DENND10: variants seen among roughly 807,000 people sequenced by gnomAD.
DENND10 encodes the protein DENN domain-containing protein 10.
Under a neutral mutation model 43.6 loss-of-function variants are expected in DENND10, and 24 were observed. That is an observed-to-expected ratio of 0.55 (90% CI 0.40 to 0.77). The LOEUF (loss-of-function observed/expected upper bound fraction) is 0.77. Ranked by LOEUF, DENND10 falls within the 30% of genes least tolerant of loss-of-function variation. DENND10 has a pLI of 0.00. For synonymous variants in DENND10, 125 were observed against 157.6 expected (o/e 0.79, Z 1.55); for missense variants, 303 against 429.9 (o/e 0.70, Z 2.61).
rs571366268 is a variant in DENND10 at position 119,110,509 on chromosome 10, G to A, written c.253-1340G>A. On this transcript the variant is annotated intron_variant, in intron 2 of 8. Coordinates refer to ENST00000361432, the MANE Select transcript of DENND10 (RefSeq NM_207009.4). ...GTCTCACTCTGTCGCCCAGCCTGGAGTGCAGGGACAAAATCTCGGCTCACT... is the reference window on the plus strand; with the variant it reads ...GTCTCACTCTGTCGCCCAGCCTGGAATGCAGGGACAAAATCTCGGCTCACT... Among the ~76,000 whole-genome samples the A allele has an allele frequency of 1.4e-4, 22 of 152,176 alleles. No homozygotes were observed. In the South Asian group the frequency reaches 2.7e-3, roughly 19 times the overall value.
chr10:119,111,785 A>G (rs1475435265), intron 2 of DENND10, 64 bp from the exon 3 acceptor site: 2 of 1,234,128 alleles, frequency 1.6e-6, no homozygotes, highest in Non-Finnish European at 1.2e-6. Flanking sequence ...GTTAGAATAT[A>G]GTAATAAAAA....
Position 119,133,036 on chromosome 10 carries a change from C to G in DENND10, c.897+427C>G, listed in dbSNP as rs80307377. The G allele has an allele frequency of 5.3e-3, 945 of 178,698 alleles. 11 individuals are homozygous for G. The highest frequency in any genetic ancestry group is 0.021 in the African/African-American group (895 of 42,244). The allele number at this position is 178,698 out of a possible 1,614,324, so 11.1% of individuals were successfully genotyped here. A position where few individuals can be genotyped will look rare whatever the true frequency, so the allele number is the denominator to read the frequency against. On this transcript the variant is annotated intron_variant, in intron 8 of 8. Coordinates refer to ENST00000361432, the MANE Select transcript of DENND10 (RefSeq NM_207009.4). The stretch of plus-strand genomic sequence containing the variant: ...TCCAGGACAACAGAAATCATGCAGT[C>G]AGACTCCTGTCCCACTTAGTGACTG...
At chr10:119,123,662 T>C in intron 6 of DENND10, 93 bp downstream of exon 6, 1 of 954,056 alleles carries the variant, frequency 1.0e-6, no homozygotes, top group Non-Finnish European at 1.6e-6. Flanking sequence ...CAGGATGGAG[T>C]GCAATGGCAC....
rs1846141632 is a variant in DENND10 at position 119,132,764 on chromosome 10, G to A, written c.897+155G>A. 1.5e-6 allele frequency: 1 copy of A among 669,890 alleles called. No individual in the cohort carries two copies. The highest frequency in any genetic ancestry group is 1.8e-5 in the African/African-American group (1 of 56,044). 41.5% of individuals were successfully genotyped at this position (669,890 alleles called of 1,614,324 possible). On this transcript the variant is annotated intron_variant, in intron 8 of 8. Transcript: ENST00000361432. This position sits in a 1 kb window ranked among gnomAD's most constrained non-coding sequence, Gnocchi z 4.2. ...TTTACAGACGGCCACAGTGATGATG[G>A]ACAAGCAGGTGCAGGCTGGCCTGAT... is the stretch of plus-strand genomic sequence containing the variant.
chr10:119,128,000 G>A (rs1564797191), intron 6 of DENND10, among the ~76,000 whole-genome samples: 1 of 151,832 alleles, frequency 6.6e-6, no homozygotes, highest in Non-Finnish European at 1.5e-5. Flanking sequence ...GTATTAGTGT[G>A]TTCTTGCACT....
chr10:119,128,744 A>C (rs971909189), intron 6 of DENND10, among the ~76,000 whole-genome samples: 1 of 152,166 alleles, frequency 6.6e-6, no homozygotes, highest in African/African-American at 2.4e-5. Flanking sequence ...ATCATGGCAG[A>C]GGGTGAAGGG....
chr10:119,107,050 A>G (rs1360352340), intron 1 of DENND10, among the ~76,000 whole-genome samples: 1 of 150,688 alleles, frequency 6.6e-6, no homozygotes, highest in Non-Finnish European at 1.5e-5. Flanking sequence ...AACTCCATTT[A>G]AAGAATTATT....
chr10:119,120,413 T>C lies in DENND10; in HGVS notation c.554T>C (p.Val185Ala). 1 of 1,612,916 alleles carries C rather than the reference T, an allele frequency of 6.2e-7. No homozygotes were observed. The change falls in exon 5 of 9, where the codon GTG becomes GCG. Residue 185 changes from valine to alanine, a missense_variant. Physicochemically the swap from Val to Ala is moderately conservative, Grantham distance 64. Coordinates refer to ENST00000361432, the MANE Select transcript of DENND10 (RefSeq NM_207009.4). ...CTGATGCTAAAGAAAAGAATTGTGG[T>C]GTATCACCCCAAGATAGAAGCGGTC... Reference protein sequence around the residue: ...TALMLKKRIVVYHPKIEAVQE... With the variant: ...TALMLKKRIVAYHPKIEAVQE...
At chr10:119,115,405 T>TTTTTTTTTTTTTTTTTG (rs869213007) in intron 3 of DENND10, among the ~76,000 whole-genome samples, 2 of 91,680 alleles carry the variant, frequency 2.2e-5, no homozygotes, top group Admixed American at 1.2e-4. Flanking sequence ...TTTTTTTTTT[T>TTTTTTTTTTTTTTTTTG]GAGACGGAGT....
chr10:119,136,658 G>A lies in DENND10; in HGVS notation c.*11G>A. ...ATGCTGAAAATCTGACTGTGTGACA[G>A]AACGTATCACTGATGACTGATAGAA... On this transcript the variant is annotated 3_prime_UTR_variant, in exon 9 of 9. Transcript: ENST00000361432. The A allele has an allele frequency of 3.7e-6, 5 of 1,369,740 alleles. No individual in the cohort carries two copies. Among genetic ancestry groups the A allele is most frequent in the Non-Finnish European group, 5.0e-6 (5 of 1,005,902 alleles). The allele number at this position is 1,369,740 out of a possible 1,614,324, so 84.8% of individuals were successfully genotyped here. A position where few individuals can be genotyped will look rare whatever the true frequency, so the allele number is the denominator to read the frequency against.
intron 4 of DENND10, among the ~76,000 whole-genome samples, chr10:119,119,405 G>A (rs1564789348): frequency 1.3e-5 from 2 of 152,142 alleles, no homozygotes; most frequent in Admixed American, 1.3e-4. Flanking sequence ...GCCTCCCAAA[G>A]TGCTGGAATT....
intron 7 of DENND10, among the ~76,000 whole-genome samples, chr10:119,130,001 T>C (rs1303470956): frequency 6.6e-6 from 1 of 151,954 alleles, no homozygotes; most frequent in African/African-American, 2.4e-5. Flanking sequence ...TATTCCTTTT[T>C]CTTTTCTTCT....
chr10:119,110,312 C>T (rs1844918248), intron 2 of DENND10, among the ~76,000 whole-genome samples: 1 of 151,552 alleles, frequency 6.6e-6, no homozygotes, highest in African/African-American at 2.4e-5. Context: ...GCTGGGACTA[C>T]AGGCATGCAC....
intron 7 of DENND10, among the ~76,000 whole-genome samples, chr10:119,130,815 A>G (rs1041106709): frequency 1.3e-5 from 2 of 152,218 alleles, no homozygotes; most frequent in African/African-American, 4.8e-5. Context: ...TGTTCTTACA[A>G]TATGACAGCT....
intron 1 of DENND10, among the ~76,000 whole-genome samples, chr10:119,104,427 C>A (rs12250409): frequency 0.53 from 80,321 of 151,066 alleles, 22,330 homozygotes; most frequent in Middle Eastern, 0.69. Context: ...TGGGGCCTGC[C>A]CGGCCCGAGG....
At position 119,132,246 on chromosome 10, in the gene DENND10, A is replaced by G. The variant is rs1404740607; in HGVS notation, c.803-269A>G. 6.6e-6 allele frequency among the ~76,000 whole-genome samples: 1 copy of G among 152,218 alleles called. No individual in the cohort carries two copies. The highest frequency in any genetic ancestry group is 2.4e-5 in the African/African-American group (1 of 41,462). ...TTCATTATGCTTTGTCTGGGAAGAA[A>G]AATAAAAATTTTGGTCAGGTGGGTG... is the stretch of plus-strand genomic sequence containing the variant. On this transcript the variant is annotated intron_variant, in intron 7 of 8. Coordinates refer to ENST00000361432, the MANE Select transcript of DENND10 (RefSeq NM_207009.4). This position sits in a 1 kb window ranked among gnomAD's most constrained non-coding sequence, Gnocchi z 4.2.
intron 4 of DENND10, 128 bp from the exon 5 acceptor site, chr10:119,120,213 A>G: frequency 1.8e-6 from 1 of 569,168 alleles, no homozygotes; most frequent in Non-Finnish European, 3.1e-6. Context: ...TTGCCACTGC[A>G]TTCCAGCCTG....
chr10:119,134,282 G>A (rs971096092), intron 8 of DENND10, among the ~76,000 whole-genome samples: 2 of 150,846 alleles, frequency 1.3e-5, no homozygotes, highest in South Asian at 2.1e-4. Flanking sequence ...CAAGTGCTCC[G>A]CCTACCTCAG....
rs1846148954 is a variant in DENND10 at position 119,132,883 on chromosome 10, G to A, written c.897+274G>A. The stretch of plus-strand genomic sequence containing the variant: ...AGAAATGTAACTACCAAGTGGTCTG[G>A]AAGGCTTTTCTGGGCCAGCCAGTGC... On this transcript the variant is annotated intron_variant, in intron 8 of 8. Transcript: ENST00000361432. This position sits in a 1 kb window ranked among gnomAD's most constrained non-coding sequence, Gnocchi z 4.2. The A allele has an allele frequency of 2.4e-6, 1 of 414,534 alleles. No individual in the cohort carries two copies. Among genetic ancestry groups the A allele is most frequent in the Non-Finnish European group, 4.3e-6 (1 of 230,124 alleles). The allele number at this position is 414,534 out of a possible 1,614,324, so 25.7% of individuals were successfully genotyped here.
Sources: allele counts gnomAD v4.1 joint callset (sites outside exome capture counted in the v4.1 genomes callset), GRCh38; gene constraint gnomAD v4.1.1; non-coding constraint Gnocchi (gnomAD v3.1); transcripts MANE v1.5; gene names NCBI Gene and HGNC (gene_info 2026-07-23, HGNC 2026-07-21).